Variants in PTPRD observed in about 807,000 individuals in gnomAD.
The protein encoded by PTPRD is receptor-type tyrosine-protein phosphatase delta.
PTPRD carries 34 observed loss-of-function variants against 214.5 expected under a neutral mutation model. That is an observed-to-expected ratio of 0.16 (90% CI 0.12 to 0.21). The LOEUF (loss-of-function observed/expected upper bound fraction) is 0.21. Among genes scored for constraint, PTPRD ranks in the 10% least tolerant of loss-of-function variants. The pLI is 1.00. For missense variants in PTPRD, 2,545 were observed against 2,398.7 expected, an observed-to-expected ratio of 1.06 and a Z score of -1.27; for synonymous variants, 1,128 against 845.7, an observed-to-expected ratio of 1.33 and a Z score of -5.79.
At chr9:10,048,858 T>C (rs1276283132) in intron 3 of PTPRD, among the ~76,000 whole-genome samples, 2 of 151,956 alleles carry the variant, frequency 1.3e-5, no homozygotes, top group Admixed American at 6.6e-5. Flanking sequence ...CCCAAAGATA[T>C]CTGAATTTTA....
intron 10 of PTPRD, among the ~76,000 whole-genome samples, chr9:9,100,476 C>G (rs761128547): frequency 4.6e-5 from 7 of 152,108 alleles, no homozygotes; most frequent in Admixed American, 2.0e-4. Flanking sequence ...CCCCACATTT[C>G]TTCTTCTATG....
At chr9:9,846,051 C>A (rs2059468823) in intron 5 of PTPRD, among the ~76,000 whole-genome samples, 1 of 152,080 alleles carries the variant, frequency 6.6e-6, no homozygotes, top group Non-Finnish European at 1.5e-5. Context: ...TAGTGTTATA[C>A]AAATTATGTA....
At chr9:9,040,287 A>G (rs1237653286) in intron 10 of PTPRD, among the ~76,000 whole-genome samples, 1 of 152,158 alleles carries the variant, frequency 6.6e-6, no homozygotes, top group East Asian at 1.9e-4. Flanking sequence ...ACACTATGGT[A>G]TTTTCACATG....
intron 3 of PTPRD, among the ~76,000 whole-genome samples, chr9:10,086,966 G>A (rs1409877780): frequency 6.6e-6 from 1 of 151,576 alleles, no homozygotes. Flanking sequence ...CTGTGATTTT[G>A]GACTTCCAAA....
At chr9:9,544,307 C>G (rs977391366) in intron 8 of PTPRD, among the ~76,000 whole-genome samples, 2 of 151,466 alleles carry the variant, frequency 1.3e-5, no homozygotes, top group African/African-American at 4.8e-5. Flanking sequence ...GAATTAAAAG[C>G]TTATTTTTAG....
intron 2 of PTPRD, among the ~76,000 whole-genome samples, chr9:10,449,018 A>T (rs1236981339): frequency 6.6e-6 from 1 of 151,938 alleles, no homozygotes; most frequent in Non-Finnish European, 1.5e-5. Flanking sequence ...GTACCCTAGA[A>T]CTTAAAGTAT....
intron 11 of PTPRD, among the ~76,000 whole-genome samples, chr9:8,888,362 G>A (rs984428496): frequency 6.6e-6 from 1 of 152,046 alleles, no homozygotes; most frequent in Non-Finnish European, 1.5e-5. Context: ...CTGGATACTT[G>A]AAAGCATACC....
intron 11 of PTPRD, among the ~76,000 whole-genome samples, chr9:8,921,333 A>G (rs2098826456): frequency 1.3e-5 from 2 of 152,112 alleles, no homozygotes; most frequent in Non-Finnish European, 1.5e-5. Context: ...ACACACAGAC[A>G]TACCTCACAC....
intron 11 of PTPRD, among the ~76,000 whole-genome samples, chr9:8,822,049 A>T (rs997277804): frequency 2.6e-4 from 40 of 152,350 alleles, no homozygotes; most frequent in Admixed American, 2.5e-3. Context: ...ACTTTGGCAA[A>T]CATGAAAGTC....
At chr9:9,933,934 C>G (rs2087951140) in intron 5 of PTPRD, among the ~76,000 whole-genome samples, 1 of 145,100 alleles carries the variant, frequency 6.9e-6, no homozygotes, top group South Asian at 2.2e-4. Flanking sequence ...TCACTCAAAG[C>G]TGCTCAACTA....
At chr9:10,107,300 T>C (rs576199469) in intron 3 of PTPRD, among the ~76,000 whole-genome samples, 1 of 151,936 alleles carries the variant, frequency 6.6e-6, no homozygotes, top group African/African-American at 2.4e-5. Context: ...AGGTCCACAT[T>C]TGGGAGATGT....
chr9:8,338,924 T>C lies in PTPRD; in HGVS notation c.5377A>G (p.Arg1793Gly). 6.2e-7 allele frequency: 1 copy of C among 1,608,318 alleles called. No individual in the cohort carries two copies. ...AGTTGAAGACTGTGCCAACTTACCC[T>C]GGCATCTGTGACCTTGAATTCCCTT... Reference protein sequence around the residue: ...ILREFKVTDARDGQSRTVRQF... With the variant: ...ILREFKVTDAGDGQSRTVRQF... Residue 1793 changes from arginine (R) to glycine (G), a missense_variant and splice_region_variant, in exon 43 of 46, where the codon AGG (arginine) becomes GGG (glycine). Transcript: ENST00000381196.
At chr9:9,148,180 G>C (rs190234008) in intron 10 of PTPRD, among the ~76,000 whole-genome samples, 15 of 151,142 alleles carry the variant, frequency 9.9e-5, no homozygotes, top group African/African-American at 3.6e-4. Flanking sequence ...TTTTGCTAGA[G>C]AAAAAAAAAT....
intron 3 of PTPRD, among the ~76,000 whole-genome samples, chr9:10,227,442 C>G (rs1358698754): frequency 6.6e-6 from 1 of 151,858 alleles, no homozygotes; most frequent in African/African-American, 2.4e-5. Flanking sequence ...TTACCTAATT[C>G]AACATAAAAA....
At position 10,112,979 on chromosome 9, in the gene PTPRD, C is replaced by T. The variant is rs550205208; in HGVS notation, c.-544-79189G>A. 1.7e-4 allele frequency among the ~76,000 whole-genome samples: 26 copies of T among 152,284 alleles called. No homozygotes were observed. The South Asian group carries it at 4.6e-3, about 27-fold the overall frequency. On this transcript the variant is annotated intron_variant, in intron 3 of 45. Transcript: ENST00000381196. ...TGTGAGGGATGCTTGCCAAAAGTGG[C>T]GATTCATCCTGCCCAGACACAGGAA...
At chr9:10,284,606 T>C (rs1173166128) in intron 3 of PTPRD, among the ~76,000 whole-genome samples, 2 of 152,206 alleles carry the variant, frequency 1.3e-5, no homozygotes, top group Admixed American at 6.5e-5. Context: ...GTCAGAAATA[T>C]AGGCATGGCT....
intron 11 of PTPRD, among the ~76,000 whole-genome samples, chr9:8,759,741 G>C (rs1598933550): frequency 6.7e-6 from 1 of 150,360 alleles, no homozygotes; most frequent in Non-Finnish European, 1.5e-5. Flanking sequence ...CTTCCTTTCT[G>C]CTGAGGAAGT....
chr9:9,714,879 T>C (rs1308423871), intron 7 of PTPRD, among the ~76,000 whole-genome samples: 1 of 152,098 alleles, frequency 6.6e-6, no homozygotes, highest in Non-Finnish European at 1.5e-5. Flanking sequence ...AAAATGGAGA[T>C]GTTGTGGTAA....
chr9:8,738,079 A>T (rs2090928224), intron 11 of PTPRD, among the ~76,000 whole-genome samples: 1 of 152,186 alleles, frequency 6.6e-6, no homozygotes, highest in Admixed American at 6.5e-5. Context: ...TGAAACAATA[A>T]TTTTGCTGAA....
Sources: gnomAD v4.1 joint callset for allele counts (sites outside exome capture counted in the v4.1 genomes callset) on GRCh38, gnomAD v4.1.1 for gene constraint, MANE v1.5 for transcripts, NCBI Gene and HGNC (gene_info 2026-07-23, HGNC 2026-07-21) for gene names.